NEMP2: variants seen among roughly 807,000 people sequenced by gnomAD.
NEMP2 encodes the protein UPF0571 transmembrane protein.
Under a neutral mutation model 54.2 loss-of-function variants are expected in NEMP2, and 53 were observed. That is an observed-to-expected ratio of 0.98 (90% CI 0.78 to 1.23). The LOEUF is 1.23. NEMP2 is among the 50% of genes most tolerant of loss of function. The pLI is 0.00. For missense variants in NEMP2, 455 were observed against 511.3 expected, an observed-to-expected ratio of 0.89 and a Z score of 1.06; for synonymous variants, 197 against 190.3, an observed-to-expected ratio of 1.04 and a Z score of -0.29.
the NEMP2 span, among the ~76,000 whole-genome samples, chr2:190,542,421 C>T: frequency 8.5e-5 from 13 of 152,078 alleles, no homozygotes; most frequent in Non-Finnish European, 1.5e-4. This position sits in a 1 kb window ranked among gnomAD's most constrained non-coding sequence, Gnocchi z 4.6. Flanking sequence ...CATGTTGGCC[C>T]GGCTAGTCTT....
chr2:190,487,584 G>T, the NEMP2 span, among the ~76,000 whole-genome samples: 1 of 152,094 alleles, frequency 6.6e-6, no homozygotes, highest in Non-Finnish European at 1.5e-5. The surrounding 1 kb of genome is among the most constrained non-coding windows in gnomAD (Gnocchi z 5.5). Context: ...ATTAAAAAAT[G>T]GGCAAAGGAA....
the NEMP2 span, among the ~76,000 whole-genome samples, chr2:190,604,351 A>G: frequency 6.6e-6 from 1 of 152,152 alleles, no homozygotes; most frequent in Non-Finnish European, 1.5e-5. The surrounding 1 kb of genome is among the most constrained non-coding windows in gnomAD (Gnocchi z 4.5). Context: ...TTCTTTAGGG[A>G]TAGTAACAGC....
the NEMP2 span, chr2:190,469,787 C>T: frequency 2.3e-5 from 37 of 1,603,972 alleles, 1 homozygote; most frequent in Middle Eastern, 1.2e-3. The surrounding 1 kb of genome is among the most constrained non-coding windows in gnomAD (Gnocchi z 5.3). Flanking sequence ...GCCTGCAATA[C>T]GGCTCGCTAT....
the NEMP2 span, among the ~76,000 whole-genome samples, chr2:190,430,965 G>A: frequency 2.0e-5 from 3 of 150,456 alleles, no homozygotes; most frequent in African/African-American, 7.4e-5. Context: ...GCTGCTGGGT[G>A]AAGGGGCTCC....
Position 190,513,783 on chromosome 2 carries a change from C to A in NEMP2, c.953+670G>T. On this transcript the variant is annotated intron_variant, in intron 7 of 8. Transcript: ENST00000409150. The surrounding 1 kb of genome is among the most constrained non-coding windows in gnomAD (Gnocchi z 5.3). ...AAGCTCTCCTGGCTTTCTCTATATA[C>A]CCTTAGTTCCTGGGCAAGTCTCCAT... Among the ~76,000 whole-genome samples, 1 of 152,274 alleles carries A rather than the reference C, an allele frequency of 6.6e-6. No homozygotes were observed. The highest frequency in any genetic ancestry group is 1.5e-5 in the Non-Finnish European group (1 of 68,018).
chr2:190,645,959 G>A, the NEMP2 span, among the ~76,000 whole-genome samples: 2 of 152,186 alleles, frequency 1.3e-5, no homozygotes, highest in Non-Finnish European at 2.9e-5. Flanking sequence ...TGCGGGCAGG[G>A]AACCATCCAT....
intron 6 of NEMP2, among the ~76,000 whole-genome samples, chr2:190,515,544 G>A (rs112656429): frequency 9.7e-4 from 147 of 152,248 alleles, no homozygotes; most frequent in African/African-American, 3.3e-3. Flanking sequence ...TATAGGAAAA[G>A]CCTCTTGTTT....
the NEMP2 span, among the ~76,000 whole-genome samples, chr2:190,487,702 C>T: frequency 6.6e-6 from 1 of 152,154 alleles, no homozygotes. The surrounding 1 kb of genome is among the most constrained non-coding windows in gnomAD (Gnocchi z 5.5). Context: ...TGAGAAACTG[C>T]TTCACATTCA....
At chr2:190,600,173 T>C in the NEMP2 span, among the ~76,000 whole-genome samples, 4 of 152,292 alleles carry the variant, frequency 2.6e-5, no homozygotes, top group East Asian at 5.8e-4. The surrounding 1 kb of genome is among the most constrained non-coding windows in gnomAD (Gnocchi z 4.9). Flanking sequence ...TTTACAAACA[T>C]TCCCTCTTGC....
chr2:190,462,639 A>G, the NEMP2 span, among the ~76,000 whole-genome samples: 1 of 152,112 alleles, frequency 6.6e-6, no homozygotes, highest in African/African-American at 2.4e-5. This position sits in a 1 kb window ranked among gnomAD's most constrained non-coding sequence, Gnocchi z 5.7. Context: ...AGAGTGTAGC[A>G]GAGGAACAGC....
the NEMP2 span, among the ~76,000 whole-genome samples, chr2:190,567,106 G>A: frequency 6.6e-6 from 1 of 152,180 alleles, no homozygotes; most frequent in East Asian, 1.9e-4. This position sits in a 1 kb window ranked among gnomAD's most constrained non-coding sequence, Gnocchi z 4.0. Flanking sequence ...TATGAGATTT[G>A]TATCTATAAA....
At chr2:190,607,168 T>A in the NEMP2 span, among the ~76,000 whole-genome samples, 3 of 152,106 alleles carry the variant, frequency 2.0e-5, no homozygotes, top group Admixed American at 6.5e-5. The surrounding 1 kb of genome is among the most constrained non-coding windows in gnomAD (Gnocchi z 5.2). Flanking sequence ...AGCGGAAACA[T>A]GAGCAAGGGA....
At chr2:190,633,824 G>A in the NEMP2 span, among the ~76,000 whole-genome samples, 1 of 152,148 alleles carries the variant, frequency 6.6e-6, no homozygotes. Flanking sequence ...TAATCCCAGT[G>A]ACTCAGGAGA....
the NEMP2 span, among the ~76,000 whole-genome samples, chr2:190,569,708 A>G: frequency 6.6e-6 from 1 of 152,256 alleles, no homozygotes; most frequent in African/African-American, 2.4e-5. Context: ...TATAAAAGGA[A>G]TACTTAGTGT....
intron 7 of NEMP2, among the ~76,000 whole-genome samples, chr2:190,511,494 T>C (rs1408394530): frequency 6.6e-6 from 1 of 151,812 alleles, no homozygotes; most frequent in Non-Finnish European, 1.5e-5. Flanking sequence ...CTCATAAAAA[T>C]AGTAACAATA....
chr2:190,482,868 C>CTTTT, the NEMP2 span, among the ~76,000 whole-genome samples: 16 of 48,286 alleles, frequency 3.3e-4, 2 homozygotes, highest in African/African-American at 1.3e-3. Flanking sequence ...AGACTATCAT[C>CTTTT]TTTTTTTTTT....
chr2:190,550,790 A>G, the NEMP2 span, among the ~76,000 whole-genome samples: 3 of 152,168 alleles, frequency 2.0e-5, no homozygotes, highest in East Asian at 5.8e-4. This position sits in a 1 kb window ranked among gnomAD's most constrained non-coding sequence, Gnocchi z 4.7. Flanking sequence ...ATATCTTTTA[A>G]TGATCTGAAA....
chr2:190,633,279 G>A, the NEMP2 span, among the ~76,000 whole-genome samples: 1 of 151,096 alleles, frequency 6.6e-6, no homozygotes. Context: ...ATTCCTACTT[G>A]AGAGTAAGAA....
the NEMP2 span, among the ~76,000 whole-genome samples, chr2:190,452,580 A>C: frequency 6.6e-6 from 1 of 152,302 alleles, no homozygotes; most frequent in African/African-American, 2.4e-5. Flanking sequence ...GCTACCTTAT[A>C]GCTTCATAGG....
Sources: allele counts gnomAD v4.1 joint callset (sites outside exome capture counted in the v4.1 genomes callset), GRCh38; gene constraint gnomAD v4.1.1; non-coding constraint Gnocchi (gnomAD v3.1); transcripts MANE v1.5; gene names NCBI Gene and HGNC (gene_info 2026-07-23, HGNC 2026-07-21).